LNX1: variants seen among roughly 807,000 people sequenced by gnomAD.
LNX1 encodes E3 ubiquitin-protein ligase LNX.
Under a neutral mutation model 68.4 loss-of-function variants are expected in LNX1, and 54 were observed. That is an observed-to-expected ratio of 0.79 (90% CI 0.63 to 0.99). LNX1 has a LOEUF of 0.99. Ranked by LOEUF, LNX1 falls within the 50% of genes least tolerant of loss-of-function variation. LNX1 has a pLI of 0.00. For missense variants in LNX1, 906 were observed against 926.4 expected (o/e 0.98, Z 0.29); for synonymous variants, 336 against 350.0 (o/e 0.96, Z 0.45).
At chr4:53,507,556 G>T in intron 3 of LNX1, 87 bp from the exon 4 acceptor site, 1 of 1,399,170 alleles carries the variant, frequency 7.1e-7, no homozygotes, top group Admixed American at 2.0e-5. Flanking sequence ...TACACAATAA[G>T]ACATTAACAG....
At chr4:53,559,939 G>GGAT (rs1730166088) in intron 2 of LNX1, among the ~76,000 whole-genome samples, 2 of 152,164 alleles carry the variant, frequency 1.3e-5, no homozygotes, top group Admixed American at 6.5e-5. Flanking sequence ...AGGATTACAG[G>GGAT]TGCAAGCCAC....
intron 2 of LNX1, among the ~76,000 whole-genome samples, chr4:53,524,503 C>T (rs773598951): frequency 1.3e-5 from 2 of 152,194 alleles, no homozygotes; most frequent in Non-Finnish European, 1.5e-5. Context: ...CCCAAGTTCA[C>T]GCAGCAAGAA....
chr4:53,517,886 G>A (rs934005624), intron 2 of LNX1, among the ~76,000 whole-genome samples: 1 of 152,170 alleles, frequency 6.6e-6, no homozygotes, highest in African/African-American at 2.4e-5. Flanking sequence ...ATTCAGTGTA[G>A]ATCCGAGTAT....
At chr4:53,575,657 G>A in intron 1 of LNX1, 2 of 1,360,926 alleles carry the variant, frequency 1.5e-6, no homozygotes, top group South Asian at 4.9e-5. Context: ...CTGGCACCAG[G>A]TATCTGCATC....
chr4:53,527,073 C>T (rs369373384), intron 2 of LNX1, among the ~76,000 whole-genome samples: 2 of 65,580 alleles, frequency 3.0e-5, no homozygotes, highest in Admixed American at 1.4e-4. Flanking sequence ...AAAAAAAAAA[C>T]TAGAAGAACA....
At chr4:53,609,159 A>G (rs1008842435) in intron 2 of LNX1, among the ~76,000 whole-genome samples, 1 of 152,170 alleles carries the variant, frequency 6.6e-6, no homozygotes, top group African/African-American at 2.4e-5. Context: ...GCAATGGGGA[A>G]AGGACTCCCG....
At chr4:53,522,848 A>C (rs918507349) in intron 2 of LNX1, 6 of 151,742 alleles carry the variant, frequency 4.0e-5, no homozygotes, top group African/African-American at 1.2e-4. Context: ...CTGTAATTCC[A>C]CCCCCAGAGA....
chr4:53,471,575 T>C (rs1723187367), intron 9 of LNX1, among the ~76,000 whole-genome samples: 1 of 152,072 alleles, frequency 6.6e-6, no homozygotes, highest in Non-Finnish European at 1.5e-5. Flanking sequence ...TGGGAGAACA[T>C]TTTTGCAATC....
intron 1 of LNX1, among the ~76,000 whole-genome samples, chr4:53,642,794 G>T (rs1734734884): frequency 1.3e-5 from 2 of 152,152 alleles, no homozygotes; most frequent in Admixed American, 6.5e-5. Context: ...TCAGAATGGT[G>T]CCATGACCAT....
upstream of LNX1, among the ~76,000 whole-genome samples, chr4:53,594,770 G>A (rs1340338966): frequency 6.6e-6 from 1 of 151,252 alleles, no homozygotes; most frequent in African/African-American, 2.4e-5. Flanking sequence ...ATAGTGCAGT[G>A]GTGCCATCAT....
Position 53,554,867 on chromosome 4 carries a change from A to G in LNX1, c.380+18756T>C, listed in dbSNP as rs987598137. 1.3e-5 allele frequency among the ~76,000 whole-genome samples: 2 copies of G among 151,676 alleles called. 1 individual carries two copies. The highest frequency in any genetic ancestry group is 3.9e-4 in the East Asian group (2 of 5,176). On this transcript the variant is annotated intron_variant, in intron 2 of 10. Coordinates refer to ENST00000263925, the MANE Select transcript of LNX1 (RefSeq NM_001126328.3). ...ACTCTGTCTCAAAAAAAAAAAAAAAATCCTGCCTTGCCCCTGCAGGCATTT... is the reference window on the plus strand; with the variant it reads ...ACTCTGTCTCAAAAAAAAAAAAAAAGTCCTGCCTTGCCCCTGCAGGCATTT...
intron 2 of LNX1, among the ~76,000 whole-genome samples, chr4:53,609,990 G>A (rs1733415482): frequency 6.6e-6 from 1 of 151,476 alleles, no homozygotes; most frequent in African/African-American, 2.4e-5. Flanking sequence ...GTGTGCTCAA[G>A]GTGAAATGGT....
intron 2 of LNX1, among the ~76,000 whole-genome samples, chr4:53,615,684 CA>C (rs1352342819): frequency 3.3e-5 from 5 of 152,096 alleles, no homozygotes; most frequent in Non-Finnish European, 7.4e-5. Context: ...GTAATACAAC[CA>C]TGCCTTATTA....
At chr4:53,600,685 A>G (rs1732961172) in intron 2 of LNX1, among the ~76,000 whole-genome samples, 3 of 152,046 alleles carry the variant, frequency 2.0e-5, no homozygotes, top group African/African-American at 4.8e-5. Flanking sequence ...TAACTTGGAC[A>G]TGAACCTGGA....
At chr4:53,482,822 A>C (rs1014787060) in intron 6 of LNX1, among the ~76,000 whole-genome samples, 1 of 152,206 alleles carries the variant, frequency 6.6e-6, no homozygotes, top group Non-Finnish European at 1.5e-5. Flanking sequence ...CCATGTAACC[A>C]AAAACCACGT....
At chr4:53,528,683 G>T (rs1208334486) in intron 2 of LNX1, among the ~76,000 whole-genome samples, 1 of 151,902 alleles carries the variant, frequency 6.6e-6, no homozygotes, top group African/African-American at 2.4e-5. Context: ...GTGGATAAGG[G>T]GGGGACTACT....
chr4:53,527,733 A>G (rs1237340567), intron 2 of LNX1, among the ~76,000 whole-genome samples: 1 of 152,188 alleles, frequency 6.6e-6, no homozygotes, highest in East Asian at 1.9e-4. Context: ...TACAGGGTGG[A>G]GAGTGCAACA....
upstream of LNX1, among the ~76,000 whole-genome samples, chr4:53,594,988 A>G (rs1479487923): frequency 6.6e-6 from 1 of 152,228 alleles, no homozygotes; most frequent in Non-Finnish European, 1.5e-5. Context: ...CTGGGATTAC[A>G]GGTGCGAGCC....
chr4:53,472,060 C>T (rs1308074200), intron 9 of LNX1, among the ~76,000 whole-genome samples: 1 of 152,164 alleles, frequency 6.6e-6, no homozygotes, highest in Non-Finnish European at 1.5e-5. Flanking sequence ...CGGCACTATT[C>T]ACAATAACAA....
Sources: gnomAD v4.1 joint callset for allele counts (sites outside exome capture counted in the v4.1 genomes callset) on GRCh38, gnomAD v4.1.1 for gene constraint, MANE v1.5 for transcripts, NCBI Gene and HGNC (gene_info 2026-07-23, HGNC 2026-07-21) for gene names.